Variants in CDKAL1 observed in about 807,000 individuals in gnomAD.
CDKAL1 encodes the protein CDKAL1 threonylcarbamoyladenosine tRNA methylthiotransferase, also known as threonylcarbamoyladenosine tRNA methylthiotransferase.
CDKAL1 carries 32 observed loss-of-function variants against 68.2 expected under a neutral mutation model. That is an observed-to-expected ratio of 0.47 (90% CI 0.35 to 0.63). The LOEUF (loss-of-function observed/expected upper bound fraction) is 0.63. Ranked by LOEUF, CDKAL1 falls within the 30% of genes least tolerant of loss-of-function variation. The probability of loss-of-function intolerance (pLI) is 0.00; values close to 1 mark genes in which losing one functional copy is unlikely to be tolerated. For missense variants in CDKAL1, 606 were observed against 696.7 expected, an observed-to-expected ratio of 0.87 and a Z score of 1.47; for synonymous variants, 234 against 244.3, an observed-to-expected ratio of 0.96 and a Z score of 0.39.
At chr6:20,866,177 G>A (rs1012268625) in intron 9 of CDKAL1, among the ~76,000 whole-genome samples, 3 of 152,130 alleles carry the variant, frequency 2.0e-5, no homozygotes, top group Non-Finnish European at 2.9e-5. Flanking sequence ...AACCTTGACA[G>A]ATTGAACCCA....
At chr6:20,639,470 C>T (rs1035562814) in intron 4 of CDKAL1, among the ~76,000 whole-genome samples, 5 of 152,170 alleles carry the variant, frequency 3.3e-5, no homozygotes, top group African/African-American at 1.2e-4. Context: ...CCTTTTCCCC[C>T]CTTTTTCTGC....
At chr6:20,714,949 A>G (rs1437241334) in intron 5 of CDKAL1, among the ~76,000 whole-genome samples, 1 of 152,164 alleles carries the variant, frequency 6.6e-6, no homozygotes, top group East Asian at 1.9e-4. Flanking sequence ...AATAAATTTT[A>G]TTGTATAAAT....
At chr6:20,922,512 G>A (rs1290664454) in intron 9 of CDKAL1, among the ~76,000 whole-genome samples, 7 of 152,296 alleles carry the variant, frequency 4.6e-5, no homozygotes, top group African/African-American at 1.2e-4. Context: ...GTGTATGGGT[G>A]TGTGTACTAT....
intron 13 of CDKAL1, among the ~76,000 whole-genome samples, chr6:21,190,194 C>G (rs1432967829): frequency 6.6e-6 from 1 of 151,896 alleles, no homozygotes; most frequent in Non-Finnish European, 1.5e-5. Flanking sequence ...CAGAGTCATA[C>G]ATTCAGAAAC....
intron 9 of CDKAL1, among the ~76,000 whole-genome samples, chr6:20,930,042 G>A (rs1763359645): frequency 1.3e-5 from 2 of 151,894 alleles, no homozygotes; most frequent in Admixed American, 1.3e-4. Flanking sequence ...GGATTTTCTG[G>A]GTCAAAAGTA....
At chr6:21,017,324 A>T (rs943432984) in intron 11 of CDKAL1, among the ~76,000 whole-genome samples, 7 of 152,132 alleles carry the variant, frequency 4.6e-5, no homozygotes, top group African/African-American at 1.7e-4. Flanking sequence ...TGATGTGGAG[A>T]CTTCAGAATC....
chr6:21,198,669 A>G (rs896938136), intron 14 of CDKAL1, among the ~76,000 whole-genome samples: 4 of 152,184 alleles, frequency 2.6e-5, no homozygotes, highest in African/African-American at 9.7e-5. Flanking sequence ...TGTATGAACA[A>G]CTGTGCAGAC....
Position 20,977,033 on chromosome 6 carries a change from A to T in CDKAL1, c.909+21448A>T, listed in dbSNP as rs114063421. Reference sequence around the variant, plus strand: ...TATTCCTGAGTGGAATTGCTGGGTCAGAGTGGGCATATGTTTGGCTTTAAT... The same window carrying T: ...TATTCCTGAGTGGAATTGCTGGGTCTGAGTGGGCATATGTTTGGCTTTAAT... On this transcript the variant is annotated intron_variant, in intron 10 of 15. Transcript: ENST00000274695. Among the ~76,000 whole-genome samples the T allele has an allele frequency of 4.1e-3, 629 of 152,324 alleles. 5 individuals are homozygous for T. Among genetic ancestry groups the T allele is most frequent in the African/African-American group, 0.014 (600 of 41,584 alleles).
intron 5 of CDKAL1, among the ~76,000 whole-genome samples, chr6:20,715,870 C>T (rs962027265): frequency 6.6e-5 from 10 of 152,096 alleles, no homozygotes; most frequent in Admixed American, 5.2e-4. Flanking sequence ...ATGAAAACTT[C>T]GTTTTGAAAA....
At chr6:20,691,406 G>A (rs865941765) in intron 5 of CDKAL1, among the ~76,000 whole-genome samples, 3 of 152,040 alleles carry the variant, frequency 2.0e-5, no homozygotes, top group Middle Eastern at 3.4e-3. Flanking sequence ...AGCTTACACC[G>A]AGTAATGGTC....
chr6:21,208,648 T>G (rs1222433347), intron 15 of CDKAL1, among the ~76,000 whole-genome samples: 2 of 152,214 alleles, frequency 1.3e-5, no homozygotes, highest in Admixed American at 6.5e-5. Flanking sequence ...GACTAAATTC[T>G]TCATCGCTGC....
Position 20,539,534 on chromosome 6 carries a change from T to C in CDKAL1, c.-6+4140T>C, listed in dbSNP as rs946442097. 3.3e-5 allele frequency among the ~76,000 whole-genome samples: 5 copies of C among 152,170 alleles called. No homozygotes were observed. Among genetic ancestry groups the C allele is most frequent in the African/African-American group, 1.2e-4 (5 of 41,452 alleles). ...GTTGGAAAGTCCTCTCTTGTTACAC[T>C]TGAGCAAAGTCCTTAAGGGCTTGAG... is the stretch of plus-strand genomic sequence containing the variant. On this transcript the variant is annotated intron_variant, in intron 2 of 15. Transcript: ENST00000274695. The surrounding 1 kb of genome is among the most constrained non-coding windows in gnomAD (Gnocchi z 4.3).
At chr6:21,086,521 T>C (rs1288524029) in intron 12 of CDKAL1, among the ~76,000 whole-genome samples, 1 of 152,110 alleles carries the variant, frequency 6.6e-6, no homozygotes, top group Non-Finnish European at 1.5e-5. Context: ...AGCGCCTAGG[T>C]GGGTGAACTA....
At chr6:20,697,045 C>T (rs949442931) in intron 5 of CDKAL1, among the ~76,000 whole-genome samples, 1 of 151,976 alleles carries the variant, frequency 6.6e-6, no homozygotes, top group Non-Finnish European at 1.5e-5. Context: ...ATGATATTTC[C>T]TTGTTCTATT....
At chr6:20,722,559 A>C (rs1772431882) in intron 5 of CDKAL1, 2 of 307,036 alleles carry the variant, frequency 6.5e-6, no homozygotes, top group African/African-American at 4.5e-5. Flanking sequence ...CTGGGCACAC[A>C]TAGAATCCTT....
At chr6:20,628,779 C>T (rs1160285231) in intron 4 of CDKAL1, among the ~76,000 whole-genome samples, 1 of 152,082 alleles carries the variant, frequency 6.6e-6, no homozygotes, top group African/African-American at 2.4e-5. Context: ...AGCAGCCTGC[C>T]TCTTTAGTCT....
At chr6:20,769,376 A>G (rs1337003068) in intron 7 of CDKAL1, among the ~76,000 whole-genome samples, 1 of 149,316 alleles carries the variant, frequency 6.7e-6, no homozygotes, top group East Asian at 2.0e-4. Flanking sequence ...CTTGTGCCTC[A>G]GCCTCCCAAG....
At chr6:20,921,870 A>G (rs904787544) in intron 9 of CDKAL1, among the ~76,000 whole-genome samples, 1 of 152,210 alleles carries the variant, frequency 6.6e-6, no homozygotes, top group South Asian at 2.1e-4. Context: ...CAACAATTGC[A>G]GTTATCTCTA....
intron 13 of CDKAL1, among the ~76,000 whole-genome samples, chr6:21,187,131 C>T (rs922680552): frequency 3.0e-4 from 45 of 152,146 alleles, no homozygotes; most frequent in African/African-American, 1.0e-3. Context: ...AATTGAGATT[C>T]GCCACATTTT....
Sources: allele counts gnomAD v4.1 joint callset (sites outside exome capture counted in the v4.1 genomes callset), GRCh38; gene constraint gnomAD v4.1.1; non-coding constraint Gnocchi (gnomAD v3.1); transcripts MANE v1.5; gene names NCBI Gene and HGNC (gene_info 2026-07-23, HGNC 2026-07-21).